Variants in MYO3B observed in about 807,000 individuals in gnomAD.
MYO3B encodes the protein myosin-IIIb.
MYO3B carries 156 observed loss-of-function variants against 174.6 expected under a neutral mutation model. The ratio of observed to expected loss-of-function variants is 0.89; its 90% CI spans 0.78 to 1.02. The LOEUF (loss-of-function observed/expected upper bound fraction) is 1.02, where lower values mean the gene tolerates loss of function less well. MYO3B is among the 50% of genes least tolerant of loss of function. MYO3B has a pLI of 0.00. For missense variants in MYO3B, 1,632 were observed against 1,639.4 expected, an observed-to-expected ratio of 1.00 and a Z score of 0.08; for synonymous variants, 563 against 569.1, an observed-to-expected ratio of 0.99 and a Z score of 0.15.
intron 32 of MYO3B, among the ~76,000 whole-genome samples, chr2:170,632,887 A>AT (rs1294387644): frequency 1.3e-5 from 2 of 151,836 alleles, no homozygotes; most frequent in Admixed American, 6.6e-5. Flanking sequence ...AATCTAGAAG[A>AT]AATGGATAAA....
At chr2:170,224,732 C>G (rs774268712) in intron 6 of MYO3B, among the ~76,000 whole-genome samples, 5 of 152,060 alleles carry the variant, frequency 3.3e-5, no homozygotes, top group African/African-American at 7.2e-5. Flanking sequence ...AAAATTCTCC[C>G]CCTCTTTACT....
At chr2:170,388,452 G>A (rs888944494) in intron 14 of MYO3B, among the ~76,000 whole-genome samples, 6 of 152,082 alleles carry the variant, frequency 3.9e-5, no homozygotes, top group Admixed American at 2.0e-4. Context: ...AACGAGGTGG[G>A]GACCAGAGCA....
intron 25 of MYO3B, among the ~76,000 whole-genome samples, chr2:170,491,436 T>C (rs1352692811): frequency 7.5e-6 from 1 of 133,856 alleles, no homozygotes; most frequent in Admixed American, 7.9e-5. Context: ...TTAATTAACT[T>C]TTTTTTTATT....
At chr2:170,462,070 G>A (rs1684327878) in intron 23 of MYO3B, among the ~76,000 whole-genome samples, 1 of 152,224 alleles carries the variant, frequency 6.6e-6, no homozygotes, top group Non-Finnish European at 1.5e-5. Context: ...AACACGCTCT[G>A]CAGGTGGTGC....
Position 170,200,295 on chromosome 2 carries a change from C to T in MYO3B, c.321+11C>T. 1 of 1,606,424 alleles carries T rather than the reference C, an allele frequency of 6.2e-7. No homozygotes were observed. Among genetic ancestry groups the T allele is most frequent in the Non-Finnish European group, 8.5e-7 (1 of 1,176,928 alleles). ...TGGCTGGTCCTGGAGGTAAGAGGCT[C>T]CCATTGGGTAACCAGTGATTTGAAC... is the stretch of plus-strand genomic sequence containing the variant. On this transcript the variant is annotated intron_variant, in intron 3 of 34. Coordinates refer to ENST00000408978, the MANE Select transcript of MYO3B (RefSeq NM_138995.5).
At chr2:170,437,801 G>T (rs1043926865) in intron 22 of MYO3B, among the ~76,000 whole-genome samples, 7 of 151,998 alleles carry the variant, frequency 4.6e-5, no homozygotes, top group African/African-American at 1.4e-4. Flanking sequence ...CAGTGTCTGT[G>T]TCCTCAACCC....
At chr2:170,376,288 A>C (rs566974418) in intron 9 of MYO3B, among the ~76,000 whole-genome samples, 18 of 152,270 alleles carry the variant, frequency 1.2e-4, no homozygotes, top group African/African-American at 3.8e-4. Context: ...AAGGTCTGCT[A>C]TTGTTTTTCT....
chr2:170,403,131 A>G, intron 19 of MYO3B, 136 bp downstream of exon 19: 2 of 756,704 alleles, frequency 2.6e-6, no homozygotes, highest in Non-Finnish European at 3.8e-6. Flanking sequence ...AGTCCTGGCT[A>G]AATAGTCTAA....
At chr2:170,203,498 C>CG (rs1278855339) in intron 3 of MYO3B, among the ~76,000 whole-genome samples, 823 of 13,394 alleles carry the variant, frequency 0.061, 12 homozygotes, top group Non-Finnish European at 0.13. Context: ...AAGGGGGCGG[C>CG]GGGGGGGGGA....
rs375819118 is a variant in MYO3B, at chr2:170,446,547, T to G, written c.2730+2501T>G. Among the ~76,000 whole-genome samples the G allele has an allele frequency of 3.8e-4, 58 of 152,286 alleles. 1 individual carries two copies. The South Asian group carries it at 0.012, about 31-fold the overall frequency. On this transcript the variant is annotated intron_variant, in intron 23 of 34. Coordinates refer to ENST00000408978, the MANE Select transcript of MYO3B (RefSeq NM_138995.5). ...TCTGATGAAAATGACTAAAGATTTG[T>G]TTTCACTTAGAAAATGAGTTGAAAA...
chr2:170,282,975 G>A (rs1033427968), intron 7 of MYO3B, among the ~76,000 whole-genome samples: 8 of 152,252 alleles, frequency 5.3e-5, no homozygotes, highest in African/African-American at 1.9e-4. Flanking sequence ...AATCCAAGTA[G>A]CATTTCACCA....
At chr2:170,593,140 C>T (rs1693924163) in intron 32 of MYO3B, among the ~76,000 whole-genome samples, 1 of 152,110 alleles carries the variant, frequency 6.6e-6, no homozygotes, top group African/African-American at 2.4e-5. Flanking sequence ...CTCTGTTGCC[C>T]AGGGTGGAGT....
intron 32 of MYO3B, among the ~76,000 whole-genome samples, chr2:170,627,653 T>G (rs1291129040): frequency 6.6e-6 from 1 of 152,246 alleles, no homozygotes; most frequent in Admixed American, 6.5e-5. Context: ...TCTGTTTTTC[T>G]GTTCTGTTTT....
intron 30 of MYO3B, among the ~76,000 whole-genome samples, chr2:170,538,475 G>A (rs980858457): frequency 3.3e-5 from 5 of 152,194 alleles, no homozygotes; most frequent in African/African-American, 4.8e-5. Context: ...TAGTGCCACC[G>A]GCGCAGCGTG....
At chr2:170,222,926 T>C (rs2092916500) in intron 6 of MYO3B, among the ~76,000 whole-genome samples, 1 of 152,112 alleles carries the variant, frequency 6.6e-6, no homozygotes, top group African/African-American at 2.4e-5. Flanking sequence ...GGCTCAGCTT[T>C]GCCTGTTTAC....
intron 9 of MYO3B, among the ~76,000 whole-genome samples, chr2:170,373,091 T>C (rs4668247): frequency 0.87 from 132,851 of 152,140 alleles, 58,853 homozygotes; most frequent in East Asian, 0.96. Context: ...TGAAGCAGGG[T>C]AAGGCTGCAG....
At chr2:170,572,697 G>A (rs1692520864) in intron 32 of MYO3B, among the ~76,000 whole-genome samples, 1 of 151,660 alleles carries the variant, frequency 6.6e-6, no homozygotes, top group Non-Finnish European at 1.5e-5. Flanking sequence ...ACCTTTTGAT[G>A]TGATGCACCC....
At chr2:170,539,659 G>C (rs969331416) in intron 30 of MYO3B, among the ~76,000 whole-genome samples, 3 of 151,036 alleles carry the variant, frequency 2.0e-5, no homozygotes, top group Non-Finnish European at 2.9e-5. Flanking sequence ...CACTCCGGCT[G>C]TCCAGGCTGG....
chr2:170,583,010 T>C (rs1575199186), intron 32 of MYO3B, among the ~76,000 whole-genome samples: 1 of 151,234 alleles, frequency 6.6e-6, no homozygotes, highest in Non-Finnish European at 1.5e-5. Flanking sequence ...TCCTGACAGC[T>C]CCCCCTGCCC....
Sources: gnomAD v4.1 joint callset for allele counts (sites outside exome capture counted in the v4.1 genomes callset) on GRCh38, gnomAD v4.1.1 for gene constraint, MANE v1.5 for transcripts, NCBI Gene and HGNC (gene_info 2026-07-23, HGNC 2026-07-21) for gene names.